Variants in EYS observed in about 807,000 individuals in gnomAD.
EYS encodes the protein EGF-like photoreceptor maintenance factor, also known as protein eyes shut homolog.
EYS carries 250 observed loss-of-function variants against 282.1 expected under a neutral mutation model. That is an observed-to-expected ratio of 0.89 (90% confidence interval 0.80 to 0.98). EYS has a LOEUF of 0.98. Ranked by LOEUF, EYS falls within the 50% of genes least tolerant of loss-of-function variation. The probability of loss-of-function intolerance (pLI) is 0.00; values close to 1 mark genes in which losing one functional copy is unlikely to be tolerated. For missense variants in EYS, 4,016 were observed against 3,709.0 expected, an observed-to-expected ratio of 1.08 and a Z score of -2.15; for synonymous variants, 1,355 against 1,282.9, an observed-to-expected ratio of 1.06 and a Z score of -1.20.
chr6:65,196,815 A>G (rs1239780834), intron 12 of EYS, among the ~76,000 whole-genome samples: 1 of 152,100 alleles, frequency 6.6e-6, no homozygotes, highest in Non-Finnish European at 1.5e-5. Context: ...CAAAGGAAAC[A>G]AGGGAGTAAT....
chr6:65,456,443 T>C (rs1350445857), intron 5 of EYS, among the ~76,000 whole-genome samples: 1 of 136,504 alleles, frequency 7.3e-6, no homozygotes, highest in Non-Finnish European at 1.6e-5. Flanking sequence ...AGTGAGACTC[T>C]GTCTCAAAAA....
intron 31 of EYS, among the ~76,000 whole-genome samples, chr6:64,219,885 C>T (rs1402657098): frequency 6.6e-6 from 1 of 151,538 alleles, no homozygotes; most frequent in Non-Finnish European, 1.5e-5. Flanking sequence ...TTTATAGGGA[C>T]ATGGATGAAG....
chr6:65,532,271 T>A (rs1767801279), intron 2 of EYS, among the ~76,000 whole-genome samples: 2 of 152,146 alleles, frequency 1.3e-5, no homozygotes, highest in Non-Finnish European at 2.9e-5. Context: ...TAAGAAAGTC[T>A]ATATTTACTC....
chr6:64,540,093 A>T (rs918273077), intron 26 of EYS, among the ~76,000 whole-genome samples: 13 of 152,164 alleles, frequency 8.5e-5, no homozygotes, highest in Non-Finnish European at 1.8e-4. Flanking sequence ...GATTTTCCGG[A>T]GTCTGAGAAA....
intron 39 of EYS, among the ~76,000 whole-genome samples, chr6:63,783,171 C>T (rs1770279297): frequency 1.3e-5 from 2 of 152,126 alleles, no homozygotes; most frequent in African/African-American, 2.4e-5. Flanking sequence ...ATCTCATGTC[C>T]ACTCTATTCA....
At chr6:64,842,745 G>T (rs1009862342) in intron 19 of EYS, among the ~76,000 whole-genome samples, 2 of 152,030 alleles carry the variant, frequency 1.3e-5, no homozygotes, top group African/African-American at 2.4e-5. Flanking sequence ...ACTTGAGAGA[G>T]ATGATTAAGA....
chr6:64,905,411 G>A (rs543363308), intron 16 of EYS, among the ~76,000 whole-genome samples: 14 of 152,184 alleles, frequency 9.2e-5, no homozygotes, highest in South Asian at 2.1e-4. Context: ...AGAACTATTC[G>A]GTTGGCCGTA....
intron 8 of EYS, among the ~76,000 whole-genome samples, chr6:65,381,658 A>G (rs1196871505): frequency 6.6e-6 from 1 of 151,988 alleles, no homozygotes; most frequent in African/African-American, 2.4e-5. Context: ...AAAATTTGAG[A>G]CAGTTTGAAC....
intron 22 of EYS, among the ~76,000 whole-genome samples, chr6:64,643,931 G>T (rs1332671823): frequency 2.0e-5 from 3 of 152,192 alleles, no homozygotes; most frequent in Non-Finnish European, 4.4e-5. Context: ...AGCAGCGTGA[G>T]AGTGGACTAA....
intron 30 of EYS, among the ~76,000 whole-genome samples, chr6:64,296,591 TA>T (rs1769028756): frequency 4.3e-4 from 2 of 4,610 alleles, no homozygotes; most frequent in African/African-American, 1.6e-3. Context: ...TATACATATA[TA>T]TATATATTTT....
chr6:65,540,211 A>G (rs1421096017), intron 2 of EYS, among the ~76,000 whole-genome samples: 1 of 152,210 alleles, frequency 6.6e-6, no homozygotes, highest in Non-Finnish European at 1.5e-5. Context: ...CATTCCAATG[A>G]TACCAAGCAC....
At chr6:65,061,465 T>C (rs1773571474) in intron 12 of EYS, among the ~76,000 whole-genome samples, 1 of 151,892 alleles carries the variant, frequency 6.6e-6, no homozygotes, top group Non-Finnish European at 1.5e-5. Context: ...ACTCCACACA[T>C]GCGTAATCTC....
chr6:64,947,131 C>A (rs931611071), intron 14 of EYS, among the ~76,000 whole-genome samples: 3 of 151,796 alleles, frequency 2.0e-5, no homozygotes, highest in East Asian at 3.9e-4. Flanking sequence ...AGATCTAGCA[C>A]CCTATGTTTA....
At chr6:65,075,771 G>C (rs1371134418) in intron 12 of EYS, among the ~76,000 whole-genome samples, 1 of 151,904 alleles carries the variant, frequency 6.6e-6, no homozygotes, top group African/African-American at 2.4e-5. Context: ...GCAACTCTTG[G>C]AGAATTGTTA....
At chr6:65,351,556 C>T (rs1764274795) in intron 9 of EYS, among the ~76,000 whole-genome samples, 1 of 151,700 alleles carries the variant, frequency 6.6e-6, no homozygotes, top group African/African-American at 2.4e-5. Flanking sequence ...CTCAAAAATA[C>T]TTCTGCCATT....
intron 31 of EYS, among the ~76,000 whole-genome samples, chr6:64,218,348 GTTTC>G (rs1218288035): frequency 2.3e-5 from 3 of 129,580 alleles, no homozygotes; most frequent in Non-Finnish European, 5.3e-5. Flanking sequence ...CAACTCAGAA[GTTTC>G]TTTCTTAAAG....
chr6:64,417,812 A>G (rs1277878188), intron 28 of EYS, among the ~76,000 whole-genome samples: 1 of 151,790 alleles, frequency 6.6e-6, no homozygotes, highest in Non-Finnish European at 1.5e-5. Context: ...CTGGCACTAC[A>G]GGTGCACACC....
chr6:63,962,407 T>G (rs1302407958), intron 35 of EYS, among the ~76,000 whole-genome samples: 2 of 151,618 alleles, frequency 1.3e-5, no homozygotes, highest in Non-Finnish European at 1.5e-5. Flanking sequence ...TCAAACAAAT[T>G]TACAAGAAAA....
intron 19 of EYS, among the ~76,000 whole-genome samples, chr6:64,880,974 C>A (rs1583254042): frequency 6.6e-6 from 1 of 151,024 alleles, no homozygotes; most frequent in African/African-American, 2.4e-5. Flanking sequence ...TCTGTCAGAA[C>A]TTTGAGAGTT....
Sources: allele counts gnomAD v4.1 joint callset (sites outside exome capture counted in the v4.1 genomes callset), GRCh38; gene constraint gnomAD v4.1.1; transcripts MANE v1.5; gene names NCBI Gene and HGNC (gene_info 2026-07-23, HGNC 2026-07-21).